The following HCN1 variants were observed in gnomAD, a reference collection of about 807,000 sequenced individuals.
HCN1 encodes potassium/sodium hyperpolarization-activated cyclic nucleotide-gated channel 1.
HCN1 carries 13 observed loss-of-function variants against 78.9 expected under a neutral mutation model. That is an observed-to-expected ratio of 0.16 (90% confidence interval 0.11 to 0.26). HCN1 has a LOEUF of 0.26. HCN1 is among the 10% of genes least tolerant of loss of function. The pLI, the probability that HCN1 is intolerant of heterozygous loss-of-function variation, is 1.00. For synonymous variants in HCN1, 552 were observed against 455.5 expected, an observed-to-expected ratio of 1.21 and a Z score of -2.70; for missense variants, 810 against 1,154.3, an observed-to-expected ratio of 0.70 and a Z score of 4.32.
At chr5:45,405,176 T>C (rs1391260255) in intron 3 of HCN1, among the ~76,000 whole-genome samples, 1 of 152,152 alleles carries the variant, frequency 6.6e-6, no homozygotes, top group East Asian at 1.9e-4. Flanking sequence ...TTTTTATCAA[T>C]TTTGGAAATG....
chr5:45,585,145 C>T, intron 2 of HCN1, among the ~76,000 whole-genome samples: 1 of 152,170 alleles, frequency 6.6e-6, no homozygotes, highest in Non-Finnish European at 1.5e-5. Flanking sequence ...TTGCATTCTC[C>T]CCGTCACTTT....
At chr5:45,478,481 C>T (rs1427782996) in intron 2 of HCN1, among the ~76,000 whole-genome samples, 1 of 152,116 alleles carries the variant, frequency 6.6e-6, no homozygotes, top group Non-Finnish European at 1.5e-5. Context: ...GGTTTGAGCA[C>T]CTGCAATACA....
intron 2 of HCN1, among the ~76,000 whole-genome samples, chr5:45,512,224 C>G (rs1742430710): frequency 6.6e-6 from 1 of 152,088 alleles, no homozygotes; most frequent in Non-Finnish European, 1.5e-5. Context: ...TTCCACTAGT[C>G]AAAATAATTT....
intron 1 of HCN1, among the ~76,000 whole-genome samples, chr5:45,668,860 G>A (rs780403374): frequency 6.6e-6 from 1 of 151,766 alleles, no homozygotes; most frequent in Non-Finnish European, 1.5e-5. Context: ...CAAAATCGTG[G>A]TCCACTAGTA....
chr5:45,591,256 T>C (rs1744359345), intron 2 of HCN1, among the ~76,000 whole-genome samples: 1 of 152,296 alleles, frequency 6.6e-6, no homozygotes, highest in Non-Finnish European at 1.5e-5. Context: ...TTTGCACTAA[T>C]GTAAGTTTTT....
intron 2 of HCN1, among the ~76,000 whole-genome samples, chr5:45,634,285 T>A (rs888941960): frequency 6.6e-6 from 1 of 151,968 alleles, no homozygotes; most frequent in Non-Finnish European, 1.5e-5. Flanking sequence ...ACCAACAGCC[T>A]GCTAACATGT....
intron 3 of HCN1, among the ~76,000 whole-genome samples, chr5:45,422,609 T>C (rs1473320412): frequency 1.3e-5 from 2 of 152,190 alleles, no homozygotes; most frequent in African/African-American, 4.8e-5. Context: ...TATTATTAAA[T>C]AATTATAACC....
intron 2 of HCN1, among the ~76,000 whole-genome samples, chr5:45,618,712 T>C (rs1024907972): frequency 2.6e-5 from 4 of 152,072 alleles, no homozygotes; most frequent in African/African-American, 9.7e-5. Context: ...AAATTCCATA[T>C]TATATTTAGG....
intron 6 of HCN1, among the ~76,000 whole-genome samples, chr5:45,268,556 G>A (rs1168465165): frequency 6.6e-6 from 1 of 152,170 alleles, no homozygotes; most frequent in Admixed American, 6.5e-5. Flanking sequence ...GTAGACACAT[G>A]TACGTTCATT....
At chr5:45,428,959 C>T (rs1481312878) in intron 3 of HCN1, among the ~76,000 whole-genome samples, 1 of 152,050 alleles carries the variant, frequency 6.6e-6, no homozygotes. Flanking sequence ...CTGTACCCAA[C>T]TGGAAAATAC....
intron 2 of HCN1, among the ~76,000 whole-genome samples, chr5:45,477,433 T>G (rs10043815): frequency 0.25 from 38,675 of 152,024 alleles, 5,108 homozygotes; most frequent in East Asian, 0.32. Context: ...GTATGAGCAC[T>G]TTTAAAGTCA....
At chr5:45,594,414 T>C (rs746853556) in intron 2 of HCN1, among the ~76,000 whole-genome samples, 3 of 152,168 alleles carry the variant, frequency 2.0e-5, no homozygotes, top group Non-Finnish European at 4.4e-5. Context: ...CTCTACTGAA[T>C]GAAAAGAGCC....
At chr5:45,381,842 T>C (rs1407203387) in intron 4 of HCN1, among the ~76,000 whole-genome samples, 1 of 152,090 alleles carries the variant, frequency 6.6e-6, no homozygotes, top group Non-Finnish European at 1.5e-5. Context: ...AACATGGTCT[T>C]TTCAAAACTA....
intron 3 of HCN1, among the ~76,000 whole-genome samples, chr5:45,452,462 A>G (rs1321540592): frequency 2.0e-5 from 3 of 151,582 alleles, no homozygotes; most frequent in Non-Finnish European, 4.4e-5. Flanking sequence ...AATAAATTAC[A>G]TCTCTAAAAA....
intron 4 of HCN1, among the ~76,000 whole-genome samples, chr5:45,365,575 T>C (rs2111997021): frequency 6.6e-6 from 1 of 152,118 alleles, no homozygotes; most frequent in Non-Finnish European, 1.5e-5. Context: ...CACATTTTCT[T>C]TATCCATTCA....
At chr5:45,269,620 C>G (rs1744923559) in intron 6 of HCN1, among the ~76,000 whole-genome samples, 1 of 152,168 alleles carries the variant, frequency 6.6e-6, no homozygotes, top group Admixed American at 6.5e-5. Flanking sequence ...ATGAGGAGGG[C>G]TTTACTCTAG....
Position 45,396,706 on chromosome 5 carries a change from T to C in HCN1, c.1016A>G (p.Asp339Gly). The change falls in exon 4 of 8, where the codon GAT becomes GGT. Residue 339 changes from aspartate (D) to glycine (G), a missense_variant. Around this residue, in one of 6 missense-constraint regions of HCN1, gnomAD observed 104 missense variants for 402.8 expected, o/e 0.26. Coordinates refer to ENST00000303230, the MANE Select transcript of HCN1 (RefSeq NM_021072.4). ...GTATGAATACTGCTTTCCCCAAGAA[T>C]CATTCTGCAACATAAGATAAAAAGA... ...CWVSLNEMVN[D>G]SWGKQYSYAL... 6.2e-7 allele frequency: 1 copy of C among 1,613,150 alleles called. No individual in the cohort carries two copies. The highest frequency in any genetic ancestry group is 1.3e-5 in the African/African-American group (1 of 75,022).
intron 2 of HCN1, among the ~76,000 whole-genome samples, chr5:45,621,362 G>C (rs1745059211): frequency 6.6e-6 from 1 of 151,706 alleles, no homozygotes; most frequent in Non-Finnish European, 1.5e-5. Context: ...AGGCTTGGAA[G>C]GTTAAATGCT....
At chr5:45,427,035 A>G (rs6892290) in intron 3 of HCN1, among the ~76,000 whole-genome samples, 76,120 of 151,734 alleles carry the variant, frequency 0.5, 20,501 homozygotes, top group African/African-American at 0.7. Flanking sequence ...CATAATACAT[A>G]CCTATAATAT....
Sources: allele counts gnomAD v4.1 joint callset (sites outside exome capture counted in the v4.1 genomes callset), GRCh38; gene constraint gnomAD v4.1.1; regional missense constraint gnomAD v4.1.1; transcripts MANE v1.5; gene names NCBI Gene and HGNC (gene_info 2026-07-23, HGNC 2026-07-21).